Variants in TLE1 observed in about 807,000 individuals in gnomAD.
The protein encoded by TLE1 is transducin-like enhancer protein 1.
Under a neutral mutation model 89.8 loss-of-function variants are expected in TLE1, and 21 were observed. That is an observed-to-expected ratio of 0.23 (90% confidence interval 0.17 to 0.34). The LOEUF (loss-of-function observed/expected upper bound fraction) is 0.34, where lower values mean the gene tolerates loss of function less well. Ranked by LOEUF, TLE1 falls within the 10% of genes least tolerant of loss-of-function variation. The pLI is 1.00. For synonymous variants in TLE1, 447 were observed against 407.6 expected, an observed-to-expected ratio of 1.10 and a Z score of -1.16; for missense variants, 795 against 1,031.2, an observed-to-expected ratio of 0.77 and a Z score of 3.14.
intron 2 of TLE1, 141 bp from the exon 3 acceptor site, chr9:81,686,037 G>T: frequency 2.5e-6 from 2 of 790,718 alleles, no homozygotes; most frequent in Non-Finnish European, 2.1e-6. Context: ...CAAAAGCTTT[G>T]TCCTTGCATT....
chr9:81,676,323 G>C (rs1418619076), intron 4 of TLE1, among the ~76,000 whole-genome samples: 1 of 152,156 alleles, frequency 6.6e-6, no homozygotes, highest in Non-Finnish European at 1.5e-5. Context: ...GTCGGAGCAA[G>C]GAAAGAAGCA....
intron 4 of TLE1, among the ~76,000 whole-genome samples, chr9:81,680,376 T>C (rs1404320637): frequency 6.6e-6 from 1 of 152,160 alleles, no homozygotes; most frequent in Non-Finnish European, 1.5e-5. Context: ...TGACTCTACC[T>C]CCTGTCCTCA....
At chr9:81,601,154 C>T (rs1237967614) in intron 14 of TLE1, among the ~76,000 whole-genome samples, 3 of 152,118 alleles carry the variant, frequency 2.0e-5, no homozygotes, top group African/African-American at 7.2e-5. Flanking sequence ...TTTTCAAGTC[C>T]ACTAAATAAG....
At position 81,583,735 on chromosome 9, in the gene TLE1, A is replaced by G. The variant is rs1018182299; in HGVS notation, c.*463T>C. 1.3e-5 allele frequency: 2 copies of G among 158,940 alleles called. No individual in the cohort carries two copies. The highest frequency in any genetic ancestry group is 2.4e-5 in the African/African-American group (1 of 41,550). 9.8% of individuals were successfully genotyped at this position (158,940 alleles called of 1,614,324 possible). A position where few individuals can be genotyped will look rare whatever the true frequency, so the allele number is the denominator to read the frequency against. On this transcript the variant is annotated 3_prime_UTR_variant, in exon 20 of 20. Coordinates refer to ENST00000376499, the MANE Select transcript of TLE1 (RefSeq NM_005077.5). Reference sequence around the variant, plus strand: ...TAAACCAAATATATTTACAATTTATACAAATGTTTAACCTTCAACAAAAAT... The same window carrying G: ...TAAACCAAATATATTTACAATTTATGCAAATGTTTAACCTTCAACAAAAAT...
At chr9:81,608,796 G>A (rs1449734847) in intron 14 of TLE1, among the ~76,000 whole-genome samples, 1 of 151,780 alleles carries the variant, frequency 6.6e-6, no homozygotes, top group Non-Finnish European at 1.5e-5. Context: ...AATTAGCCAG[G>A]CATAGTGGCA....
At chr9:81,649,872 T>C (rs1049228613) in intron 6 of TLE1, among the ~76,000 whole-genome samples, 1 of 152,178 alleles carries the variant, frequency 6.6e-6, no homozygotes, top group African/African-American at 2.4e-5. Context: ...ACACAATTCC[T>C]TTCAGGCAAA....
intron 4 of TLE1, among the ~76,000 whole-genome samples, chr9:81,677,564 CAAAA>C (rs60091510): frequency 2.3e-5 from 2 of 85,600 alleles, no homozygotes; most frequent in Non-Finnish European, 4.3e-5. Context: ...GACTCCATCT[CAAAA>C]AAAAAAAAAA....
chr9:81,664,710 A>G (rs1398147416), intron 4 of TLE1, among the ~76,000 whole-genome samples: 1 of 86,824 alleles, frequency 1.2e-5, no homozygotes, highest in Non-Finnish European at 2.9e-5. Flanking sequence ...TTTAATTAAG[A>G]AAAAAAAAAA....
At chr9:81,628,231 G>GGCC (rs1826139839) in intron 8 of TLE1, among the ~76,000 whole-genome samples, 1 of 152,094 alleles carries the variant, frequency 6.6e-6, no homozygotes, top group Non-Finnish European at 1.5e-5. Flanking sequence ...TCCCACCTGA[G>GGCC]GCCTCCTAAC....
At chr9:81,615,717 A>G (rs1824412079) in intron 11 of TLE1, among the ~76,000 whole-genome samples, 2 of 142,082 alleles carry the variant, frequency 1.4e-5, no homozygotes, top group Admixed American at 7.0e-5. Flanking sequence ...CGTCTCAAAA[A>G]AAAAAAAAAA....
intron 14 of TLE1, among the ~76,000 whole-genome samples, chr9:81,604,326 A>T (rs1241101598): frequency 6.6e-6 from 1 of 152,192 alleles, no homozygotes; most frequent in East Asian, 1.9e-4. Context: ...TCTGGATCTT[A>T]GTGAGCAGGT....
chr9:81,681,340 C>T (rs1163580346), intron 4 of TLE1, among the ~76,000 whole-genome samples: 1 of 152,068 alleles, frequency 6.6e-6, no homozygotes, highest in East Asian at 1.9e-4. Context: ...CACTTGAGGT[C>T]AGGAGTTCGA....
intron 14 of TLE1, among the ~76,000 whole-genome samples, chr9:81,605,561 G>A (rs1831523437): frequency 6.6e-6 from 1 of 152,138 alleles, no homozygotes; most frequent in African/African-American, 2.4e-5. Context: ...GATATGGGCA[G>A]TCATACGTAG....
intron 16 of TLE1, among the ~76,000 whole-genome samples, chr9:81,589,568 G>A (rs1389872821): frequency 6.6e-6 from 1 of 152,118 alleles, no homozygotes; most frequent in African/African-American, 2.4e-5. Context: ...AGAGCAGAAT[G>A]CCTGGGCCTC....
chr9:81,615,005 G>A (rs1219009505), intron 11 of TLE1, among the ~76,000 whole-genome samples: 3 of 134,274 alleles, frequency 2.2e-5, no homozygotes, highest in Non-Finnish European at 4.6e-5. Context: ...GACCAGCATG[G>A]CCAACATGAA....
At chr9:81,643,528 A>AC (rs920612903) in intron 6 of TLE1, among the ~76,000 whole-genome samples, 2 of 151,692 alleles carry the variant, frequency 1.3e-5, no homozygotes, top group African/African-American at 4.8e-5. Flanking sequence ...GAGCCACCGC[A>AC]CCCAGCCCTT....
At chr9:81,596,528 T>C (rs1411954577) in intron 14 of TLE1, among the ~76,000 whole-genome samples, 2 of 152,218 alleles carry the variant, frequency 1.3e-5, no homozygotes, top group South Asian at 4.1e-4. Context: ...ATCATGACCA[T>C]GGTGAAGGGA....
chr9:81,648,138 G>A (rs1456122410), intron 6 of TLE1, among the ~76,000 whole-genome samples: 5 of 151,782 alleles, frequency 3.3e-5, no homozygotes, highest in Admixed American at 6.6e-5. Flanking sequence ...TGGGTATGGC[G>A]GTGCATGCCT....
chr9:81,642,029 A>AAAAG (rs146854497), intron 6 of TLE1, among the ~76,000 whole-genome samples: 5 of 152,074 alleles, frequency 3.3e-5, no homozygotes, highest in African/African-American at 4.8e-5. Flanking sequence ...TCTCCAAAAA[A>AAAAG]AAAGAAAGAA....
Sources: allele counts gnomAD v4.1 joint callset (sites outside exome capture counted in the v4.1 genomes callset), GRCh38; gene constraint gnomAD v4.1.1; transcripts MANE v1.5; gene names NCBI Gene and HGNC (gene_info 2026-07-23, HGNC 2026-07-21).